The following CDH4 variants were observed in gnomAD, a reference collection of about 807,000 sequenced individuals.
CDH4 encodes the protein cadherin 4, also known as cadherin-4.
CDH4 carries 33 observed loss-of-function variants against 86.0 expected under a neutral mutation model. The ratio of observed to expected loss-of-function variants is 0.38; its 90% CI spans 0.29 to 0.51. CDH4 has a LOEUF of 0.51. Among genes scored for constraint, CDH4 ranks in the 20% least tolerant of loss-of-function variants. CDH4 has a pLI of 0.86. For synonymous variants in CDH4, 555 were observed against 549.4 expected, an observed-to-expected ratio of 1.01 and a Z score of -0.14; for missense variants, 1,114 against 1,307.4, an observed-to-expected ratio of 0.85 and a Z score of 2.28.
At position 61,299,888 on chromosome 20, in the gene CDH4, C is replaced by T. The variant is rs76435446; in HGVS notation, c.169+44951C>T. On this transcript the variant is annotated intron_variant, in intron 2 of 15. Coordinates refer to ENST00000614565, the MANE Select transcript of CDH4 (RefSeq NM_001794.5). Reference sequence around the variant, plus strand: ...GCCATAGAAGCCGCCAGCACTTCCCCGGGGGCATGACGCTTACAGGAGGTG... The same window carrying T: ...GCCATAGAAGCCGCCAGCACTTCCCTGGGGGCATGACGCTTACAGGAGGTG... 7.2e-3 allele frequency among the ~76,000 whole-genome samples: 1,094 copies of T among 152,274 alleles called. 16 individuals are homozygous for T. The highest frequency in any genetic ancestry group is 0.025 in the African/African-American group (1,033 of 41,556).
intron 4 of CDH4, among the ~76,000 whole-genome samples, chr20:61,806,526 C>T (rs1045779814): frequency 1.3e-5 from 2 of 151,936 alleles, no homozygotes; most frequent in African/African-American, 2.4e-5. Flanking sequence ...CTGAGGAACA[C>T]GTGTGCACAC....
chr20:61,583,137 A>G (rs1433179238), intron 2 of CDH4, among the ~76,000 whole-genome samples: 7 of 58,976 alleles, frequency 1.2e-4, no homozygotes, highest in Non-Finnish European at 2.9e-4. Context: ...CTGCGGGGGG[A>G]CAGAGGGCTC....
At chr20:61,817,600 T>C (rs561821396) in intron 4 of CDH4, among the ~76,000 whole-genome samples, 11 of 152,182 alleles carry the variant, frequency 7.2e-5, no homozygotes, top group Middle Eastern at 3.4e-3. Context: ...GCGCACTTTG[T>C]CACCTTCCCA....
intron 3 of CDH4, among the ~76,000 whole-genome samples, chr20:61,766,456 C>T (rs1385339262): frequency 6.6e-6 from 1 of 152,140 alleles, no homozygotes; most frequent in Admixed American, 6.5e-5. Context: ...GAGCTCCACC[C>T]CCAGCTCTGC....
intron 4 of CDH4, among the ~76,000 whole-genome samples, chr20:61,839,527 TGTTTG>T (rs1363305004): frequency 3.5e-5 from 4 of 115,524 alleles, no homozygotes; most frequent in Non-Finnish European, 9.1e-5. Flanking sequence ...TGTGTATGTG[TGTTTG>T]TGTATGTGTA....
intron 2 of CDH4, among the ~76,000 whole-genome samples, chr20:61,469,687 T>C (rs544789053): frequency 1.3e-5 from 2 of 152,176 alleles, no homozygotes; most frequent in Admixed American, 6.5e-5. Flanking sequence ...AATTTCATGG[T>C]TTGAGGTCTT....
intron 2 of CDH4, among the ~76,000 whole-genome samples, chr20:61,733,391 G>T (rs372664548): frequency 6.6e-6 from 1 of 152,106 alleles, no homozygotes; most frequent in South Asian, 2.1e-4. Context: ...GCCTTCACAC[G>T]TGCTGTTCCC....
At chr20:61,542,720 A>G (rs2086049817) in intron 2 of CDH4, among the ~76,000 whole-genome samples, 1 of 152,226 alleles carries the variant, frequency 6.6e-6, no homozygotes, top group African/African-American at 2.4e-5. Context: ...CCTCTTAATA[A>G]ATAGCTCTGG....
chr20:61,540,246 C>T (rs562120305), intron 2 of CDH4, among the ~76,000 whole-genome samples: 17 of 152,278 alleles, frequency 1.1e-4, no homozygotes, highest in African/African-American at 4.1e-4. Flanking sequence ...GACCTCATAT[C>T]ACAATGGAAG....
intron 2 of CDH4, among the ~76,000 whole-genome samples, chr20:61,486,191 C>T (rs1413168021): frequency 6.6e-6 from 1 of 152,244 alleles, no homozygotes; most frequent in East Asian, 1.9e-4. Flanking sequence ...TTCATCCTTC[C>T]ACACCGCCAT....
At position 61,937,235 on chromosome 20, in the gene CDH4, A is replaced by AG. The variant is rs1454041994; in HGVS notation, c.*292_*293insG. On this transcript the variant is annotated 3_prime_UTR_variant, in exon 16 of 16. Transcript: ENST00000614565. ...ACTGTTTTTAAAAAAAAAAAAAAAA[A>AG]AAGAAGAAAGAAAGAAAAAAAAAAA... is the stretch of plus-strand genomic sequence containing the variant. 2.0e-3 allele frequency: 374 copies of AG among 187,122 alleles called. 1 individual carries two copies. The highest frequency in any genetic ancestry group is 2.7e-3 in the Non-Finnish European group (277 of 101,084). The allele number at this position is 187,122 out of a possible 1,614,324, so 11.6% of individuals were successfully genotyped here.
chr20:61,716,085 G>A (rs112443583), intron 2 of CDH4, among the ~76,000 whole-genome samples: 6,361 of 152,314 alleles, frequency 0.042, 417 homozygotes, highest in African/African-American at 0.13. Context: ...CACTGTGCTC[G>A]GCTGGAGCTG....
At chr20:61,412,959 A>T (rs947263749) in intron 2 of CDH4, among the ~76,000 whole-genome samples, 1 of 152,124 alleles carries the variant, frequency 6.6e-6, no homozygotes, top group Non-Finnish European at 1.5e-5. Flanking sequence ...GGCTGTGTTG[A>T]TAGAACCCTG....
intron 2 of CDH4, among the ~76,000 whole-genome samples, chr20:61,588,593 C>T (rs1568700008): frequency 2.0e-5 from 3 of 152,208 alleles, no homozygotes; most frequent in African/African-American, 4.8e-5. Flanking sequence ...CTGTGGAGCC[C>T]GTGGCCTTTG....
At position 61,937,190 on chromosome 20, in the gene CDH4, G is replaced by T; in HGVS notation, c.*247G>T. ...AGCAAGAGGCACTCTGTCTTCACTT[G>T]AATTTCCTAGAACAGAAGCACTGTT... is the stretch of plus-strand genomic sequence containing the variant. On this transcript the variant is annotated 3_prime_UTR_variant, in exon 16 of 16. Coordinates refer to ENST00000614565, the MANE Select transcript of CDH4 (RefSeq NM_001794.5). The T allele has an allele frequency of 4.4e-5, 6 of 137,454 alleles. No homozygotes were observed. The highest frequency in any genetic ancestry group is 3.8e-4 in the East Asian group (2 of 5,296). 8.5% of individuals were successfully genotyped at this position (137,454 alleles called of 1,614,324 possible).
intron 3 of CDH4, among the ~76,000 whole-genome samples, chr20:61,763,198 A>G (rs2088658315): frequency 6.6e-6 from 1 of 152,032 alleles, no homozygotes; most frequent in South Asian, 2.1e-4. Context: ...ATTTGAAGCA[A>G]TTTCCATGTT....
At chr20:61,351,635 G>A (rs1442733395) in intron 2 of CDH4, among the ~76,000 whole-genome samples, 2 of 152,128 alleles carry the variant, frequency 1.3e-5, no homozygotes, top group East Asian at 1.9e-4. Context: ...TCATATCAGG[G>A]CAATGGGATG....
chr20:61,321,075 G>T (rs1052573292), intron 2 of CDH4, among the ~76,000 whole-genome samples: 2 of 152,166 alleles, frequency 1.3e-5, no homozygotes, highest in Admixed American at 6.5e-5. Flanking sequence ...CGGTGGGGTG[G>T]CATTGACCTA....
At chr20:61,402,107 G>A (rs1380151934) in intron 2 of CDH4, among the ~76,000 whole-genome samples, 1 of 152,118 alleles carries the variant, frequency 6.6e-6, no homozygotes, top group Non-Finnish European at 1.5e-5. Flanking sequence ...ATGGATATTT[G>A]CACAGAGCCG....
Sources: allele counts gnomAD v4.1 joint callset (sites outside exome capture counted in the v4.1 genomes callset), GRCh38; gene constraint gnomAD v4.1.1; transcripts MANE v1.5; gene names NCBI Gene and HGNC (gene_info 2026-07-23, HGNC 2026-07-21).